The following MS4A5 variants were observed in gnomAD, a reference collection of about 807,000 sequenced individuals.
MS4A5 encodes membrane spanning 4-domains A5, also known as membrane-spanning 4-domains subfamily A member 5.
MS4A5 carries 15 observed loss-of-function variants against 18.2 expected under a neutral mutation model. That is an observed-to-expected ratio of 0.83 (90% CI 0.55 to 1.27). The LOEUF (loss-of-function observed/expected upper bound fraction) is 1.27. MS4A5 is among the 50% of genes most tolerant of loss of function. The probability of loss-of-function intolerance (pLI) is 0.00; values close to 1 mark genes in which losing one functional copy is unlikely to be tolerated. For synonymous variants in MS4A5, 89 were observed against 78.7 expected (o/e 1.13, Z -0.69); for missense variants, 232 against 225.7 (o/e 1.03, Z -0.18).
chr11:60,442,714 G>C (rs964182360), intron 4 of MS4A5, among the ~76,000 whole-genome samples: 1 of 152,156 alleles, frequency 6.6e-6, no homozygotes, highest in African/African-American at 2.4e-5. Context: ...CTGTACAACA[G>C]ATCTCTTGAA....
At position 60,430,430 on chromosome 11, in the gene MS4A5, A is replaced by G. The variant is rs148144404; in HGVS notation, c.154-366A>G. On this transcript the variant is annotated intron_variant, in intron 1 of 4. Coordinates refer to ENST00000300190, the MANE Select transcript of MS4A5 (RefSeq NM_023945.3). ...AATTCAGTGTTTCTCAGACATTCAC[A>G]TTTATGGGCTAAAGAACTGAAGAAC... Among the ~76,000 whole-genome samples, 185 of 152,288 alleles carry G rather than the reference A, an allele frequency of 1.2e-3. 8 individuals are homozygous for G. The East Asian group carries it at 0.028, about 23-fold the overall frequency.
chr11:60,441,957 A>T (rs2086115573), intron 4 of MS4A5, among the ~76,000 whole-genome samples: 1 of 152,190 alleles, frequency 6.6e-6, no homozygotes, highest in Admixed American at 6.5e-5. Context: ...GAATGCTCCT[A>T]ATAACAACTC....
chr11:60,442,203 T>G (rs1216779427), intron 4 of MS4A5, among the ~76,000 whole-genome samples: 1 of 152,218 alleles, frequency 6.6e-6, no homozygotes, highest in African/African-American at 2.4e-5. Context: ...CAGATAAAAT[T>G]ATATGTATTT....
intron 4 of MS4A5, among the ~76,000 whole-genome samples, chr11:60,434,639 C>A (rs576200885): frequency 6.6e-5 from 10 of 152,158 alleles, no homozygotes; most frequent in African/African-American, 9.7e-5. Flanking sequence ...AAACAGAAGT[C>A]TTTTTATTAA....
rs768412019 is a variant in MS4A5, at chr11:60,433,930, C to G, written c.492+13C>G. 7 of 1,611,896 alleles carry G rather than the reference C, an allele frequency of 4.3e-6. No homozygotes were observed. In the South Asian group the frequency reaches 7.7e-5, roughly 18 times the overall value. The stretch of plus-strand genomic sequence containing the variant: ...TGTCCTGTTCTTGGTAAGTATGTTG[C>G]ATTTATAGAGTGATGAGTAAAGGGC... On this transcript the variant is annotated intron_variant, in intron 4 of 4. Transcript: ENST00000300190.
chr11:60,441,468 G>GAAAAAGGCCATAAAAAAAAAAAAAGA (rs2086111989), intron 4 of MS4A5, among the ~76,000 whole-genome samples: 1 of 103,454 alleles, frequency 9.7e-6, no homozygotes, highest in East Asian at 2.8e-4. Flanking sequence ...AAAAAAAAAA[G>GAAAAAGGCCATAAAAAAAAAAAAAGA]AAAAAAAAAG....
intron 4 of MS4A5, among the ~76,000 whole-genome samples, chr11:60,436,934 A>T (rs923352376): frequency 7.6e-6 from 1 of 132,340 alleles, no homozygotes; most frequent in African/African-American, 2.6e-5. Flanking sequence ...CCACAAAGAT[A>T]CTCCTCGAGA....
chr11:60,435,520 C>T (rs2086074184), intron 4 of MS4A5: 3 of 387,030 alleles, frequency 7.8e-6, no homozygotes, highest in South Asian at 2.0e-5. Context: ...TCTGAGGTAC[C>T]CGGTTCATCT....
At chr11:60,442,058 A>G (rs1288508990) in intron 4 of MS4A5, among the ~76,000 whole-genome samples, 1 of 152,226 alleles carries the variant, frequency 6.6e-6, no homozygotes, top group Non-Finnish European at 1.5e-5. Context: ...CAGCAACTGA[A>G]AGAATATGTA....
At chr11:60,433,963 A>C (rs1432368548) in intron 4 of MS4A5, 46 bp downstream of exon 4, 1 of 1,541,812 alleles carries the variant, frequency 6.5e-7, no homozygotes, top group Non-Finnish European at 8.9e-7. Context: ...GGCTTAATAG[A>C]AAATATTTAT....
intron 4 of MS4A5, among the ~76,000 whole-genome samples, chr11:60,437,296 T>C (rs1191441259): frequency 4.0e-5 from 6 of 150,360 alleles, no homozygotes; most frequent in African/African-American, 7.3e-5. Flanking sequence ...AAGGAACAAC[T>C]GGTACCAGCC....
At chr11:60,435,446 AACAGCTCCGGTCT>A (rs1205938546) in intron 4 of MS4A5, 1 of 435,026 alleles carries the variant, frequency 2.3e-6, no homozygotes, top group Admixed American at 2.7e-5. Flanking sequence ...GCCAAATAGG[AACAGCTCCGGTCT>A]ACAGCTCCCA....
chr11:60,434,023 C>A, intron 4 of MS4A5, 106 bp downstream of exon 4: 1 of 957,056 alleles, frequency 1.0e-6, no homozygotes, highest in Non-Finnish European at 1.6e-6. Context: ...CATGTATTTT[C>A]TTTTACTGAC....
chr11:60,436,650 T>G (rs1344278800), intron 4 of MS4A5, among the ~76,000 whole-genome samples: 1 of 133,796 alleles, frequency 7.5e-6, no homozygotes, highest in Non-Finnish European at 1.7e-5. Flanking sequence ...GTCGATGCGA[T>G]CAACTGGAAG....
chr11:60,430,107 GAGA>G (rs1402581552), intron 1 of MS4A5, among the ~76,000 whole-genome samples: 3 of 152,218 alleles, frequency 2.0e-5, no homozygotes, highest in African/African-American at 7.2e-5. Flanking sequence ...AAGGTGGACT[GAGA>G]AGAAGAGAGC....
In MS4A5 at chr11:60,436,681, G is replaced by A. The variant is rs1379562035; in HGVS notation, c.492+2764G>A. Among the ~76,000 whole-genome samples the A allele has an allele frequency of 5.3e-4, 71 of 134,266 alleles. 9 individuals are homozygous for A. The highest frequency in any genetic ancestry group is 1.1e-3 in the Non-Finnish European group (65 of 59,916). The allele number at this position is 134,266 out of a possible 152,430, so 88.1% of individuals were successfully genotyped here. A position where few individuals can be genotyped will look rare whatever the true frequency, so the allele number is the denominator to read the frequency against. On this transcript the variant is annotated intron_variant, in intron 4 of 4. Transcript: ENST00000300190. ...GGAAGAAAGGGTATCAGCGATGGAA[G>A]ATGAAATGAATGAAATGAAGCGAGA...
At chr11:60,437,452 G>T (rs1161153863) in intron 4 of MS4A5, among the ~76,000 whole-genome samples, 1 of 151,872 alleles carries the variant, frequency 6.6e-6, no homozygotes, top group Non-Finnish European at 1.5e-5. Context: ...TGGACTAAAT[G>T]CTCCAATTAA....
chr11:60,446,940 A>G (rs1019541035), intron 4 of MS4A5, among the ~76,000 whole-genome samples: 3 of 151,466 alleles, frequency 2.0e-5, no homozygotes, highest in African/African-American at 7.3e-5. Context: ...ATTTCTTTGC[A>G]TTTTATGCAT....
In MS4A5 at chr11:60,446,973, C is replaced by A. The variant is rs76647927; in HGVS notation, c.493-676C>A. On this transcript the variant is annotated intron_variant, in intron 4 of 4. Transcript: ENST00000300190. ...CATTTATAAAATGGACTATTTCCTA[C>A]ATATATAAATCAAAAATGTATTTTT... Among the ~76,000 whole-genome samples the A allele has an allele frequency of 5.8e-3, 882 of 152,150 alleles. 10 individuals are homozygous for A. Among genetic ancestry groups the A allele is most frequent in the African/African-American group, 0.02 (827 of 41,500 alleles).
Sources: allele counts gnomAD v4.1 joint callset (sites outside exome capture counted in the v4.1 genomes callset), GRCh38; gene constraint gnomAD v4.1.1; transcripts MANE v1.5; gene names NCBI Gene and HGNC (gene_info 2026-07-23, HGNC 2026-07-21).